Variants in LY86 observed in about 807,000 individuals in gnomAD.
The protein encoded by LY86 is MD-1, RP105-associated.
LY86 carries 20 observed loss-of-function variants against 17.3 expected under a neutral mutation model. That is an observed-to-expected ratio of 1.15 (90% CI 0.81 to 1.68). LY86 has a LOEUF of 1.68. Among genes scored for constraint, LY86 ranks in the 40% most tolerant of loss-of-function variants. The pLI is 0.00. For missense variants in LY86, 200 were observed against 191.9 expected, an observed-to-expected ratio of 1.04 and a Z score of -0.25; for synonymous variants, 74 against 70.6, an observed-to-expected ratio of 1.05 and a Z score of -0.24.
intron 1 of LY86, among the ~76,000 whole-genome samples, chr6:6,610,050 G>C (rs13208019): frequency 0.037 from 5,661 of 152,244 alleles, 147 homozygotes; most frequent in Non-Finnish European, 0.055. Flanking sequence ...GCCTCCCAAA[G>C]TGTTGGAATT....
intron 1 of LY86, among the ~76,000 whole-genome samples, chr6:6,605,589 C>T (rs1010775639): frequency 1.2e-4 from 18 of 152,372 alleles, no homozygotes; most frequent in Admixed American, 3.9e-4. Flanking sequence ...TGACAGCTGT[C>T]ATAGTCTCAT....
At position 6,649,675 on chromosome 6, in the gene LY86, C is replaced by A; in HGVS notation, c.403C>A (p.Gln135Lys). The A allele has an allele frequency of 1.3e-6, 2 of 1,554,544 alleles. No homozygotes were observed. Among genetic ancestry groups the A allele is most frequent in the Non-Finnish European group, 1.8e-6 (2 of 1,130,776 alleles). Reference protein sequence around the residue: ...PVNNPEFTIPQGEYQVLLELY... With the variant: ...PVNNPEFTIPKGEYQVLLELY... ...CAATAATCCTGAATTTACTATTCCT[C>A]AGGTAAGATATTACTTACTTCTTGT... The change falls in exon 4 of 5, where the codon CAG becomes AAG. Residue 135 changes from glutamine (Q) to lysine (K), a missense_variant and splice_region_variant. Transcript: ENST00000230568.
intron 1 of LY86, among the ~76,000 whole-genome samples, chr6:6,599,901 A>G (rs1050776130): frequency 6.6e-6 from 1 of 152,186 alleles, no homozygotes; most frequent in Non-Finnish European, 1.5e-5. Flanking sequence ...CACATGAAGC[A>G]AACTCACCCA....
chr6:6,616,287 C>T (rs976970757), intron 1 of LY86, among the ~76,000 whole-genome samples: 5 of 152,138 alleles, frequency 3.3e-5, no homozygotes, highest in Non-Finnish European at 7.4e-5. Flanking sequence ...GACCAGGTTC[C>T]GGCACACATA....
intron 1 of LY86, among the ~76,000 whole-genome samples, chr6:6,600,773 C>G (rs190385538): frequency 1.3e-5 from 2 of 152,264 alleles, no homozygotes; most frequent in South Asian, 2.1e-4. Flanking sequence ...TTCCACTTCT[C>G]TCCACTGGGA....
chr6:6,626,488 A>C (rs1342240027), intron 3 of LY86, 67 bp downstream of exon 3: 5 of 1,577,666 alleles, frequency 3.2e-6, no homozygotes, highest in African/African-American at 1.4e-5. Flanking sequence ...CTTGCATCTG[A>C]GGCCAGGACG....
chr6:6,603,232 T>C (rs982801956), intron 1 of LY86, among the ~76,000 whole-genome samples: 1 of 151,990 alleles, frequency 6.6e-6, no homozygotes, highest in Non-Finnish European at 1.5e-5. Flanking sequence ...AGGAATTAGG[T>C]TTTAACATAT....
At chr6:6,608,772 G>T (rs1761261043) in intron 1 of LY86, among the ~76,000 whole-genome samples, 1 of 152,242 alleles carries the variant, frequency 6.6e-6, no homozygotes, top group Non-Finnish European at 1.5e-5. Context: ...TTTAAACTTT[G>T]CTGTGAAGCA....
At chr6:6,605,692 A>G (rs527429771) in intron 1 of LY86, among the ~76,000 whole-genome samples, 11 of 152,150 alleles carry the variant, frequency 7.2e-5, no homozygotes, top group Non-Finnish European at 1.5e-4. Flanking sequence ...TCACGGACTT[A>G]AAGAATGAAG....
At chr6:6,610,089 G>C (rs530817897) in intron 1 of LY86, among the ~76,000 whole-genome samples, 59 of 152,264 alleles carry the variant, frequency 3.9e-4, no homozygotes, top group African/African-American at 1.4e-3. Context: ...GCCCAGCCAG[G>C]ATCTGTATGG....
At chr6:6,601,986 C>T (rs1022306623) in intron 1 of LY86, among the ~76,000 whole-genome samples, 2 of 152,184 alleles carry the variant, frequency 1.3e-5, no homozygotes, top group African/African-American at 2.4e-5. Flanking sequence ...AGCTAGGAAC[C>T]GTAGAGGGGC....
At chr6:6,598,546 A>C (rs983319006) in intron 1 of LY86, among the ~76,000 whole-genome samples, 2 of 152,228 alleles carry the variant, frequency 1.3e-5, no homozygotes, top group Admixed American at 6.5e-5. Context: ...CCAGTCCACA[A>C]GTTGAGCTCT....
At chr6:6,614,274 G>T (rs919421063) in intron 1 of LY86, among the ~76,000 whole-genome samples, 1 of 152,140 alleles carries the variant, frequency 6.6e-6, no homozygotes, top group Admixed American at 6.5e-5. Flanking sequence ...TACAAACACA[G>T]ACCGCAAAGG....
chr6:6,643,283 T>C (rs899132320), intron 3 of LY86, among the ~76,000 whole-genome samples: 1 of 152,132 alleles, frequency 6.6e-6, no homozygotes, highest in Admixed American at 6.5e-5. Context: ...CAGCGACAGA[T>C]GAATGGATAA....
At chr6:6,608,765 A>C (rs1203233418) in intron 1 of LY86, among the ~76,000 whole-genome samples, 4 of 152,258 alleles carry the variant, frequency 2.6e-5, no homozygotes, top group Non-Finnish European at 4.4e-5. Context: ...GGCCTTCTTT[A>C]AACTTTGCTG....
At chr6:6,589,399 G>T (rs547004068) in intron 1 of LY86, among the ~76,000 whole-genome samples, 1 of 152,234 alleles carries the variant, frequency 6.6e-6, no homozygotes, top group African/African-American at 2.4e-5. Flanking sequence ...TTCGCATGCA[G>T]CTATCAATGC....
At chr6:6,645,632 G>C (rs963943031) in intron 3 of LY86, among the ~76,000 whole-genome samples, 1 of 151,858 alleles carries the variant, frequency 6.6e-6, no homozygotes, top group Non-Finnish European at 1.5e-5. Flanking sequence ...CATAAAGCAG[G>C]TATAAACATG....
At chr6:6,598,289 A>T (rs1307507795) in intron 1 of LY86, among the ~76,000 whole-genome samples, 2 of 152,090 alleles carry the variant, frequency 1.3e-5, no homozygotes, top group Non-Finnish European at 2.9e-5. Context: ...AAATTATTCA[A>T]CTCATTTTTT....
chr6:6,636,903 A>G (rs1027942924), intron 3 of LY86, among the ~76,000 whole-genome samples: 4 of 151,792 alleles, frequency 2.6e-5, no homozygotes, highest in Non-Finnish European at 4.4e-5. Flanking sequence ...AAAAAAAAAA[A>G]AAACAGAACT....
Sources: allele counts gnomAD v4.1 joint callset (sites outside exome capture counted in the v4.1 genomes callset), GRCh38; gene constraint gnomAD v4.1.1; transcripts MANE v1.5; gene names NCBI Gene and HGNC (gene_info 2026-07-23, HGNC 2026-07-21).